Variants in GRIK4 observed in about 807,000 individuals in gnomAD.
GRIK4 encodes the protein glutamate ionotropic receptor kainate type subunit 4.
GRIK4 carries 40 observed loss-of-function variants against 104.9 expected under a neutral mutation model. That is an observed-to-expected ratio of 0.38 (90% confidence interval 0.30 to 0.50). GRIK4 has a LOEUF of 0.50. Among genes scored for constraint, GRIK4 ranks in the 20% least tolerant of loss-of-function variants. GRIK4 has a pLI of 0.93. For missense variants in GRIK4, 1,047 were observed against 1,308.1 expected, an observed-to-expected ratio of 0.80 and a Z score of 3.08; for synonymous variants, 485 against 524.9, an observed-to-expected ratio of 0.92 and a Z score of 1.04.
At position 120,697,311 on chromosome 11, in the gene GRIK4, G is replaced by A. The variant is rs1051295180; in HGVS notation, c.82+36911G>A. Reference sequence around the variant, plus strand: ...CCTGTGTTGGAAGTGAGTTTGCTAAGTCTGACCTATAAGAGTTTATGGAGC... The same window carrying A: ...CCTGTGTTGGAAGTGAGTTTGCTAAATCTGACCTATAAGAGTTTATGGAGC... On this transcript the variant is annotated intron_variant, in intron 3 of 20. Coordinates refer to ENST00000527524, the MANE Select transcript of GRIK4 (RefSeq NM_014619.5). Among the ~76,000 whole-genome samples the A allele has an allele frequency of 1.1e-4, 16 of 152,318 alleles. No individual in the cohort carries two copies. The South Asian group carries it at 1.9e-3, about 18-fold the overall frequency.
chr11:120,528,257 G>A lies in GRIK4; in HGVS notation c.-159+16370G>A, dbSNP rs973507615. 2.0e-5 allele frequency among the ~76,000 whole-genome samples: 3 copies of A among 152,148 alleles called. No homozygotes were observed. The East Asian group carries it at 5.8e-4, about 29-fold the overall frequency. On this transcript the variant is annotated intron_variant, in intron 1 of 20. Transcript: ENST00000527524. ...CTCCCAAAGTGCTGGGACTACAGGT[G>A]CCCGCCACCACGCCCGGCTAATTTT...
chr11:120,793,290 G>A (rs995429823), intron 3 of GRIK4, among the ~76,000 whole-genome samples: 5 of 152,184 alleles, frequency 3.3e-5, no homozygotes, highest in Admixed American at 3.3e-4. Flanking sequence ...GGCTTGCATT[G>A]AAAGTGACAG....
chr11:120,615,536 A>T (rs1245915867), intron 1 of GRIK4, among the ~76,000 whole-genome samples: 1 of 152,164 alleles, frequency 6.6e-6, no homozygotes, highest in Non-Finnish European at 1.5e-5. Context: ...AGGGCCTGGC[A>T]GCTGCCCGGG....
intron 1 of GRIK4, among the ~76,000 whole-genome samples, chr11:120,610,919 C>T (rs1949029973): frequency 6.6e-6 from 1 of 152,154 alleles, no homozygotes; most frequent in Non-Finnish European, 1.5e-5. Context: ...TGTATTGGTG[C>T]TCAGGCCTTT....
intron 3 of GRIK4, among the ~76,000 whole-genome samples, chr11:120,798,622 C>T (rs12290923): frequency 6.6e-6 from 1 of 152,040 alleles, no homozygotes; most frequent in Admixed American, 6.6e-5. Flanking sequence ...TGGGATTACA[C>T]GCACACACCA....
chr11:120,737,274 G>C (rs1951242464), intron 3 of GRIK4, among the ~76,000 whole-genome samples: 1 of 152,184 alleles, frequency 6.6e-6, no homozygotes, highest in Non-Finnish European at 1.5e-5. Flanking sequence ...CAGCATCTCT[G>C]CATAAAATTA....
intron 1 of GRIK4, among the ~76,000 whole-genome samples, chr11:120,610,234 C>G (rs1483862993): frequency 6.6e-6 from 1 of 152,200 alleles, no homozygotes; most frequent in Non-Finnish European, 1.5e-5. Flanking sequence ...TTGCTCCCTT[C>G]CCCCAGAACA....
intron 1 of GRIK4, among the ~76,000 whole-genome samples, chr11:120,588,176 C>T (rs529490840): frequency 1.3e-5 from 2 of 152,284 alleles, no homozygotes; most frequent in Non-Finnish European, 2.9e-5. Context: ...GGGCTTGGCC[C>T]GCTCCTGGGG....
intron 3 of GRIK4, among the ~76,000 whole-genome samples, chr11:120,697,600 G>A (rs1006324386): frequency 6.6e-6 from 1 of 152,224 alleles, no homozygotes; most frequent in Non-Finnish European, 1.5e-5. Flanking sequence ...GGGCGACAGA[G>A]TGAGACTCTG....
At chr11:120,886,479 C>T (rs1305587339) in intron 11 of GRIK4, among the ~76,000 whole-genome samples, 1 of 152,152 alleles carries the variant, frequency 6.6e-6, no homozygotes, top group Non-Finnish European at 1.5e-5. Context: ...AATGTTAACG[C>T]ATCAACAGCA....
chr11:120,596,373 G>A (rs77241687), intron 1 of GRIK4, among the ~76,000 whole-genome samples: 4,608 of 152,306 alleles, frequency 0.03, 416 homozygotes, highest in East Asian at 0.21. Flanking sequence ...AACGTGATGA[G>A]TGTGGGAAAA....
intron 13 of GRIK4, among the ~76,000 whole-genome samples, chr11:120,938,434 G>C (rs1323165939): frequency 6.6e-6 from 1 of 152,160 alleles, no homozygotes; most frequent in Non-Finnish European, 1.5e-5. Context: ...CACCATATAA[G>C]GCTCCGAGTT....
rs1162325317 is a variant in GRIK4 at position 120,862,132 on chromosome 11, C to A, written c.906+12C>A. The A allele has an allele frequency of 2.5e-6, 4 of 1,611,096 alleles. No individual in the cohort carries two copies. The highest frequency in any genetic ancestry group is 3.4e-6 in the Non-Finnish European group (4 of 1,178,552). On this transcript the variant is annotated intron_variant, in intron 9 of 20. Coordinates refer to ENST00000527524, the MANE Select transcript of GRIK4 (RefSeq NM_014619.5). ...TCACTGGGCCTGCGGTAAGTACCCG[C>A]CAGAGCTCTTCCTGGTGCCCCTTGG... is the stretch of plus-strand genomic sequence containing the variant.
intron 11 of GRIK4, among the ~76,000 whole-genome samples, chr11:120,887,998 G>C (rs1158503359): frequency 1.3e-5 from 2 of 152,034 alleles, no homozygotes; most frequent in Non-Finnish European, 2.9e-5. Flanking sequence ...TGGCAGAGCT[G>C]GTTGGGAAGC....
chr11:120,936,040 A>T, intron 13 of GRIK4: 1 of 207,008 alleles, frequency 4.8e-6, no homozygotes, highest in African/African-American at 2.6e-5. Flanking sequence ...CGTCATCATC[A>T]TCCTGGTCTT....
intron 3 of GRIK4, among the ~76,000 whole-genome samples, chr11:120,663,613 G>T (rs560120565): frequency 6.6e-6 from 1 of 152,212 alleles, no homozygotes; most frequent in South Asian, 2.1e-4. Context: ...TGAACGCTAG[G>T]CTCCAAGCCT....
Position 120,831,065 on chromosome 11 carries a change from C to T in GRIK4, c.512-787C>T, listed in dbSNP as rs183206292. Among the ~76,000 whole-genome samples the T allele has an allele frequency of 6.7e-3, 1,024 of 152,192 alleles. 16 individuals carry two copies. The highest frequency in any genetic ancestry group is 0.024 in the African/African-American group (979 of 41,528). ...GAGTGAGGGAGGGCAGGGGTAGGTC[C>T]TTGGTGCACAGTCCCTTTTTTCTGT... is the stretch of plus-strand genomic sequence containing the variant. On this transcript the variant is annotated intron_variant, in intron 6 of 20. Transcript: ENST00000527524.
chr11:120,777,633 T>C (rs1278437812), intron 3 of GRIK4, among the ~76,000 whole-genome samples: 1 of 152,278 alleles, frequency 6.6e-6, no homozygotes, highest in East Asian at 1.9e-4. Flanking sequence ...TGATATACAC[T>C]ATGGACAAAA....
At chr11:120,681,280 G>C (rs1473377276) in intron 3 of GRIK4, among the ~76,000 whole-genome samples, 1 of 152,112 alleles carries the variant, frequency 6.6e-6, no homozygotes, top group African/African-American at 2.4e-5. Flanking sequence ...GGAAGCGCAG[G>C]AGTGGGGTGA....
Sources: allele counts gnomAD v4.1 joint callset (sites outside exome capture counted in the v4.1 genomes callset), GRCh38; gene constraint gnomAD v4.1.1; transcripts MANE v1.5; gene names NCBI Gene and HGNC (gene_info 2026-07-23, HGNC 2026-07-21).